MON2: variants seen among roughly 807,000 people sequenced by gnomAD.
MON2 encodes protein MON2 homolog.
A neutral mutation model predicts 208.6 loss-of-function variants in MON2; 84 were observed. That is an observed-to-expected ratio of 0.40 (90% CI 0.34 to 0.48). MON2 has a LOEUF of 0.48. MON2 is among the 20% of genes least tolerant of loss of function. The pLI is 0.59. For synonymous variants in MON2, 660 were observed against 694.0 expected, an observed-to-expected ratio of 0.95 and a Z score of 0.77; for missense variants, 1,611 against 2,015.4, an observed-to-expected ratio of 0.80 and a Z score of 3.84.
At position 62,532,645 on chromosome 12, in the gene MON2, A is replaced by G. The variant is rs2136218350; in HGVS notation, c.1608A>G (p.Thr536=). ...CAGAACAGCAGGATTTACAGTCAAC[A>G]TCAGACCAAATGGATAAGGAAATTG... is the stretch of plus-strand genomic sequence containing the variant. ...QSTEQQDLQS[T]SDQMDKEIVS... Residue 536 remains threonine, a synonymous_variant, in exon 12 of 35, where the codon ACA becomes ACG. Coordinates refer to ENST00000393630, the MANE Select transcript of MON2 (RefSeq NM_015026.3). 3.1e-6 allele frequency: 5 copies of G among 1,612,000 alleles called. No homozygotes were observed. The highest frequency in any genetic ancestry group is 4.2e-6 in the Non-Finnish European group (5 of 1,178,054).
At chr12:62,502,663 T>G (rs939614698) in intron 7 of MON2, among the ~76,000 whole-genome samples, 2 of 152,188 alleles carry the variant, frequency 1.3e-5, no homozygotes, top group Non-Finnish European at 2.9e-5. Context: ...TTTACTTGCT[T>G]ATATATCTAG....
intron 11 of MON2, among the ~76,000 whole-genome samples, chr12:62,529,274 A>T (rs1024243956): frequency 6.6e-6 from 1 of 152,110 alleles, no homozygotes; most frequent in African/African-American, 2.4e-5. Context: ...GATTTTAAAA[A>T]CTTCTCATTA....
chr12:62,504,150 G>A (rs12305077), intron 7 of MON2, among the ~76,000 whole-genome samples: 56,021 of 151,506 alleles, frequency 0.37, 10,541 homozygotes, highest in African/African-American at 0.41. Context: ...ATTGGTTAAT[G>A]AATTTGAATT....
chr12:62,510,640 C>G lies in MON2; in HGVS notation c.984+2160C>G, dbSNP rs557186031. 3.9e-5 allele frequency among the ~76,000 whole-genome samples: 6 copies of G among 152,178 alleles called. No individual in the cohort carries two copies. In the East Asian group the frequency reaches 1.2e-3, roughly 29 times the overall value. On this transcript the variant is annotated intron_variant, in intron 8 of 34. Transcript: ENST00000393630. ...AGGAATAGAACTAAACTACCTTAAC[C>G]CAATAAATGCCATTTATGAAGAGAC... is the stretch of plus-strand genomic sequence containing the variant.
chr12:62,576,438 G>A lies in MON2; in HGVS notation c.4515-2007G>A, dbSNP rs369624021. Among the ~76,000 whole-genome samples the A allele has an allele frequency of 2.6e-5, 4 of 151,914 alleles. No homozygotes were observed. The South Asian group carries it at 6.2e-4, about 24-fold the overall frequency. ...TGAATATACTAAGGAACACTAAATT[G>A]TATATTTTAAAAGGGTGAATTTTAT... is the stretch of plus-strand genomic sequence containing the variant. On this transcript the variant is annotated intron_variant, in intron 30 of 34. Coordinates refer to ENST00000393630, the MANE Select transcript of MON2 (RefSeq NM_015026.3).
chr12:62,525,190 A>G lies in MON2; in HGVS notation c.1216A>G (p.Thr406Ala). Residue 406 changes from threonine to alanine, a missense_variant, in exon 10 of 35, where the codon ACT (threonine) becomes GCT (alanine). Thr to Ala is a moderately conservative substitution (Grantham distance 58). Coordinates refer to ENST00000393630, the MANE Select transcript of MON2 (RefSeq NM_015026.3). ...ACAGTCCTTGTTTCTTGTCCCCCCT[A>G]CTGGAAATCCTGCAACAAGCAACCA... ...FIQSLFLVPP[T>A]GNPATSNQAG... The G allele has an allele frequency of 6.2e-7, 1 of 1,613,282 alleles. No homozygotes were observed. Among genetic ancestry groups the G allele is most frequent in the Non-Finnish European group, 8.5e-7 (1 of 1,179,476 alleles).
intron 8 of MON2, among the ~76,000 whole-genome samples, chr12:62,521,993 G>C (rs926996954): frequency 6.6e-6 from 1 of 152,126 alleles, no homozygotes; most frequent in Non-Finnish European, 1.5e-5. Context: ...AGGAGTCCGA[G>C]ACCATCCTGA....
intron 1 of MON2, among the ~76,000 whole-genome samples, chr12:62,476,826 T>C (rs970465729): frequency 3.9e-5 from 6 of 152,216 alleles, no homozygotes; most frequent in Admixed American, 3.9e-4. Context: ...ATCCAGGTTT[T>C]ATTCTCATAG....
Position 62,565,260 on chromosome 12 carries a change from C to T in MON2, c.4056C>T (p.Asn1352=). The change falls in exon 27 of 35, where the codon AAC becomes AAT. Residue 1352 remains asparagine, a synonymous_variant. Transcript: ENST00000393630. ...LQKAICVGPE[N]MQIMYPAIFD... Reference sequence around the variant, plus strand: ...AGGCCATTTGTGTAGGACCAGAAAACATGCAGATAATGTATCCAGCTATAT... The same window carrying T: ...AGGCCATTTGTGTAGGACCAGAAAATATGCAGATAATGTATCCAGCTATAT... 1.2e-6 allele frequency: 2 copies of T among 1,612,584 alleles called. No individual in the cohort carries two copies. Among genetic ancestry groups the T allele is most frequent in the Non-Finnish European group, 1.7e-6 (2 of 1,179,236 alleles).
intron 8 of MON2, among the ~76,000 whole-genome samples, chr12:62,514,479 A>G (rs2136138049): frequency 6.6e-6 from 1 of 152,336 alleles, no homozygotes; most frequent in East Asian, 1.9e-4. Flanking sequence ...GGTGAAAGGC[A>G]CATCACAAAT....
chr12:62,580,601 A>G (rs57428118), intron 32 of MON2, among the ~76,000 whole-genome samples, 181 bp downstream of exon 32: 7,437 of 152,268 alleles, frequency 0.049, 211 homozygotes, highest in Middle Eastern at 0.075. Context: ...ATTCTGTGGA[A>G]TAGAATGTTT....
rs556891577 is a variant in MON2, at chr12:62,523,374, T to TA, written c.985-1140dup. On this transcript the variant is annotated intron_variant, in intron 8 of 34. Coordinates refer to ENST00000393630, the MANE Select transcript of MON2 (RefSeq NM_015026.3). ...TAAGAAAGGCAACCATGCTTGTCCT[T>TA]ACGCACAAGGTTGCTGGATAAAGAA... 1.1e-4 allele frequency among the ~76,000 whole-genome samples: 16 copies of TA among 152,296 alleles called. No homozygotes were observed. The South Asian group carries it at 3.3e-3, about 32-fold the overall frequency.
intron 7 of MON2, among the ~76,000 whole-genome samples, chr12:62,505,797 G>A (rs2071069954): frequency 6.6e-6 from 1 of 152,072 alleles, no homozygotes; most frequent in African/African-American, 2.4e-5. Flanking sequence ...GCTGAGAGGT[G>A]GGAGGATCGT....
rs1239664587 is a variant in MON2, at chr12:62,467,252, G to A, written c.45G>A (p.Glu15=). 1 of 1,613,990 alleles carries A rather than the reference G, an allele frequency of 6.2e-7. No homozygotes were observed. Among genetic ancestry groups the A allele is most frequent in the East Asian group, 2.2e-5 (1 of 44,882 alleles). Residue 15 remains glutamate (E), a synonymous_variant, in exon 1 of 35, where the codon GAG becomes GAA. Transcript: ENST00000393630. ...CCGAGGCGGTGAAGAAGCTGCTGGAGAATATGCAGAGCGACTTGCGCGCCT... is the reference window on the plus strand; with the variant it reads ...CCGAGGCGGTGAAGAAGCTGCTGGAAAATATGCAGAGCGACTTGCGCGCCT... ...SSPEAVKKLL[E]NMQSDLRALS...
chr12:62,552,190 C>T (rs7300630), intron 23 of MON2, among the ~76,000 whole-genome samples: 5 of 151,824 alleles, frequency 3.3e-5, no homozygotes, highest in Admixed American at 1.3e-4. Flanking sequence ...TTTGGGTATG[C>T]AGTGGGAGGT....
intron 8 of MON2, among the ~76,000 whole-genome samples, chr12:62,521,201 G>T (rs756413103): frequency 6.6e-6 from 1 of 151,926 alleles, no homozygotes; most frequent in Non-Finnish European, 1.5e-5. Context: ...TAGACACGGG[G>T]TTTCACTGTG....
intron 2 of MON2, among the ~76,000 whole-genome samples, chr12:62,493,338 T>C (rs984539727): frequency 2.6e-5 from 4 of 152,220 alleles, no homozygotes; most frequent in South Asian, 2.1e-4. Context: ...TTCGGAATTA[T>C]AGCATGTGTA....
chr12:62,572,339 C>G (rs1186753165), intron 30 of MON2, among the ~76,000 whole-genome samples: 1 of 152,202 alleles, frequency 6.6e-6, no homozygotes, highest in East Asian at 1.9e-4. Flanking sequence ...TTGGGCAGGA[C>G]AGATTTAAAG....
In MON2 at chr12:62,556,128, G is replaced by A; in HGVS notation, c.3345G>A (p.Trp1115Ter). The A allele has an allele frequency of 6.2e-7, 1 of 1,613,864 alleles. No individual in the cohort carries two copies. The highest frequency in any genetic ancestry group is 8.5e-7 in the Non-Finnish European group (1 of 1,179,980). Residue 1115 changes from tryptophan to a stop codon, truncating the protein, a stop_gained, in exon 25 of 35, where the codon TGG becomes TGA. Coordinates refer to ENST00000393630, the MANE Select transcript of MON2 (RefSeq NM_015026.3). LOFTEE classifies it high-confidence loss of function. ...CCGAGAAGCAATGGGCTGAGACGTGGGTATTAACATTGGCTGGAGTAGCAA... is the reference window on the plus strand; with the variant it reads ...CCGAGAAGCAATGGGCTGAGACGTGAGTATTAACATTGGCTGGAGTAGCAA... Reference protein sequence around the residue: ...DTAEKQWAETWVLTLAGVARI... With the variant: ...DTAEKQWAET
Sources: allele counts gnomAD v4.1 joint callset (sites outside exome capture counted in the v4.1 genomes callset), GRCh38; gene constraint gnomAD v4.1.1; transcripts MANE v1.5; gene names NCBI Gene and HGNC (gene_info 2026-07-23, HGNC 2026-07-21).